The following KLHL30 variants were observed in gnomAD, a reference collection of about 807,000 sequenced individuals.
The protein encoded by KLHL30 is kelch-like protein 30.
In KLHL30, 55 loss-of-function variants were observed where a neutral mutation model predicts 55.0. That is an observed-to-expected ratio of 1.00 (90% confidence interval 0.80 to 1.25). KLHL30 has a LOEUF of 1.25. KLHL30 is among the 50% of genes most tolerant of loss of function. The probability of loss-of-function intolerance (pLI) is 0.00; values close to 1 mark genes in which losing one functional copy is unlikely to be tolerated. For missense variants in KLHL30, 786 were observed against 811.6 expected, an observed-to-expected ratio of 0.97 and a Z score of 0.38; for synonymous variants, 356 against 372.6, an observed-to-expected ratio of 0.96 and a Z score of 0.51.
Position 238,150,806 on chromosome 2 carries a change from G to A in KLHL30, c.1486-8G>A, listed in dbSNP as rs751570505. The A allele has an allele frequency of 2.2e-5, 35 of 1,574,890 alleles. No homozygotes were observed. In the East Asian group the frequency reaches 4.2e-4, roughly 19 times the overall value. ...CCCACCGGACGCTAACCCGCTGACC[G>A]TGCACAGGTGCAGTCACAGCACAGC... On this transcript the variant is annotated splice_polypyrimidine_tract_variant and splice_region_variant and intron_variant, in intron 7 of 7. Transcript: ENST00000409223.
rs1027745913 is a variant in KLHL30 at position 238,147,024 on chromosome 2, G to T, written c.1151-810G>T. Among the ~76,000 whole-genome samples, 28 of 144,764 alleles carry T rather than the reference G, an allele frequency of 1.9e-4. No homozygotes were observed. In the Middle Eastern group the frequency reaches 0.014, roughly 73 times the overall value. 95.0% of individuals were successfully genotyped at this position (144,764 alleles called of 152,430 possible). A position where few individuals can be genotyped will look rare whatever the true frequency, so the allele number is the denominator to read the frequency against. ...CCATCTCAAAAAAAAAAAAAAAAAGGCAGGCATGGTGTCACGTGCCAGCCG... is the reference window on the plus strand; with the variant it reads ...CCATCTCAAAAAAAAAAAAAAAAAGTCAGGCATGGTGTCACGTGCCAGCCG... On this transcript the variant is annotated intron_variant, in intron 5 of 7. Transcript: ENST00000409223. This position sits in a 1 kb window ranked among gnomAD's most constrained non-coding sequence, Gnocchi z 5.8.
rs1692542944 is a variant in KLHL30, at chr2:238,141,616, G to A, written c.774+88G>A. 5 of 1,362,140 alleles carry A rather than the reference G, an allele frequency of 3.7e-6. No homozygotes were observed. The South Asian group carries it at 4.8e-5, about 13-fold the overall frequency. The allele number at this position is 1,362,140 out of a possible 1,614,324, so 84.4% of individuals were successfully genotyped here. ...CCTGAGTAGGGACAGAGTAAGGAGT[G>A]GACATTCCAAGGTGCACTCTGACCT... On this transcript the variant is annotated intron_variant, in intron 2 of 7. Transcript: ENST00000409223.
At chr2:238,149,829 T>C (rs763907053) in intron 7 of KLHL30, among the ~76,000 whole-genome samples, 1 of 152,096 alleles carries the variant, frequency 6.6e-6, no homozygotes, top group Non-Finnish European at 1.5e-5. Flanking sequence ...GAGGTGAGCC[T>C]CTGGGCGGCC....
At chr2:238,139,365 G>C (rs987748872) in intron 1 of KLHL30, among the ~76,000 whole-genome samples, 2 of 152,240 alleles carry the variant, frequency 1.3e-5, no homozygotes, top group African/African-American at 2.4e-5. Flanking sequence ...CGCCTTCACC[G>C]GGGCCAGCGC....
chr2:238,152,257 G>C lies in KLHL30; in HGVS notation c.*1192G>C, dbSNP rs1192271848. On this transcript the variant is annotated 3_prime_UTR_variant, in exon 8 of 8. Coordinates refer to ENST00000409223, the MANE Select transcript of KLHL30 (RefSeq NM_198582.4). Reference sequence around the variant, plus strand: ...TAACACCCCCCGCCCCTGGGGACCAGAGGGGCCTCTGACATCCTTGGGTTC... The same window carrying C: ...TAACACCCCCCGCCCCTGGGGACCACAGGGGCCTCTGACATCCTTGGGTTC... 1 of 978,636 alleles carries C rather than the reference G, an allele frequency of 1.0e-6. No homozygotes were observed. The highest frequency in any genetic ancestry group is 1.1e-4 in the East Asian group (1 of 8,792). 60.6% of individuals were successfully genotyped at this position (978,636 alleles called of 1,614,324 possible).
At chr2:238,141,786 G>A (rs1444940952) in intron 2 of KLHL30, among the ~76,000 whole-genome samples, 2 of 152,242 alleles carry the variant, frequency 1.3e-5, no homozygotes, top group Non-Finnish European at 2.9e-5. Context: ...CTGTCCTGAA[G>A]GAGCCTGCAG....
At position 238,151,019 on chromosome 2, in the gene KLHL30, A is replaced by T; in HGVS notation, c.1691A>T (p.Asp564Val). Residue 564 changes from aspartate (D) to valine (V), a missense_variant, in exon 8 of 8, where the codon GAT becomes GTT. Transcript: ENST00000409223. ...LYHGASTVFL[D>V]VSKWTQPSGP... ...CACGGGGCCTCCACCGTCTTCCTGG[A>T]TGTCTCCAAGTGGACCCAGCCCTCC... 2 of 1,593,104 alleles carry T rather than the reference A, an allele frequency of 1.3e-6. No individual in the cohort carries two copies. Among genetic ancestry groups the T allele is most frequent in the East Asian group, 2.3e-5 (1 of 43,602 alleles).
intron 3 of KLHL30, among the ~76,000 whole-genome samples, chr2:238,144,416 A>AGGCAGGC (rs1692602793): frequency 1.9e-4 from 20 of 107,268 alleles, no homozygotes; most frequent in East Asian, 5.5e-4. Context: ...GGAAGGAAGG[A>AGGCAGGC]AGGAAGGAAG....
At chr2:238,150,739 G>A (rs543408521) in intron 7 of KLHL30, 75 bp from the exon 8 acceptor site, 116 of 1,491,408 alleles carry the variant, frequency 7.8e-5, no homozygotes, top group Admixed American at 1.2e-4. Flanking sequence ...CCACTCCCCC[G>A]ACCCTGCTGA....
intron 3 of KLHL30, 48 bp downstream of exon 3, chr2:238,142,979 A>G (rs2106311492): frequency 6.7e-7 from 1 of 1,484,750 alleles, no homozygotes; most frequent in Non-Finnish European, 8.8e-7. Flanking sequence ...TCTCTGTCCC[A>G]GCGGGAGCCG....
rs1428111130 is a variant in KLHL30, at chr2:238,147,887, T to A, written c.1204T>A (p.Trp402Arg). ...VESYDPYTDSWTPVSPALKYV... is the reference protein window; with the variant it reads ...VESYDPYTDSRTPVSPALKYV... ...GAGCTATGACCCCTACACGGACAGCTGGACGCCCGTCAGCCCGGCCCTCAA... is the reference window on the plus strand; with the variant it reads ...GAGCTATGACCCCTACACGGACAGCAGGACGCCCGTCAGCCCGGCCCTCAA... Residue 402 changes from tryptophan (W) to arginine (R), a missense_variant, in exon 6 of 8, where the codon TGG (tryptophan) becomes AGG (arginine). Coordinates refer to ENST00000409223, the MANE Select transcript of KLHL30 (RefSeq NM_198582.4). This position sits in a 1 kb window ranked among gnomAD's most constrained non-coding sequence, Gnocchi z 5.8. The A allele has an allele frequency of 1.3e-6, 2 of 1,598,558 alleles. No homozygotes were observed. Among genetic ancestry groups the A allele is most frequent in the Admixed American group, 1.7e-5 (1 of 58,522 alleles).
Position 238,141,179 on chromosome 2 carries a change from G to T in KLHL30, c.425G>T (p.Gly142Val). Residue 142 changes from glycine (G) to valine (V), a missense_variant, in exon 2 of 8, where the codon GGG becomes GTG. Transcript: ENST00000409223. ...AACTGCCTGGGCATCTGTGAGTTCG[G>T]GGAGCAGCAAGGGCTGCTGGGCGTG... The part of the protein sequence containing the change: ...AANCLGICEF[G>V]EQQGLLGVAA... The T allele has an allele frequency of 6.2e-7, 1 of 1,611,886 alleles. No homozygotes were observed. The highest frequency in any genetic ancestry group is 8.5e-7 in the Non-Finnish European group (1 of 1,179,622).
At position 238,145,812 on chromosome 2, in the gene KLHL30, G is replaced by A. The variant is rs377574282; in HGVS notation, c.1130G>A (p.Gly377Glu). 1.4e-5 allele frequency: 22 copies of A among 1,606,354 alleles called. No individual in the cohort carries two copies. The Admixed American group carries it at 1.5e-4, about 11-fold the overall frequency. Residue 377 changes from glycine (G) to glutamate (E), a missense_variant, in exon 5 of 8, where the codon GGG becomes GAG. Transcript: ENST00000409223. Reference protein sequence around the residue: ...RTNHASAALNGEIYVIGGTTL... With the variant: ...RTNHASAALNEEIYVIGGTTL... ...AACCACGCCAGCGCGGCCCTCAATG[G>A]GGAGATCTACGTTATCGGCGGTGAG...
In KLHL30 at chr2:238,151,080, C is replaced by T. The variant is rs1272878562; in HGVS notation, c.*15C>T. 1 of 1,573,878 alleles carries T rather than the reference C, an allele frequency of 6.4e-7. No homozygotes were observed. The highest frequency in any genetic ancestry group is 8.6e-7 in the Non-Finnish European group (1 of 1,158,864). ...AGGAGCACTAAACCAGGGCCAGGGT[C>T]CCCGGGGAGGAGTCCCCACAGCGGC... is the stretch of plus-strand genomic sequence containing the variant. On this transcript the variant is annotated 3_prime_UTR_variant, in exon 8 of 8. Transcript: ENST00000409223.
rs1353500538 is a variant in KLHL30, at chr2:238,141,514, C to T, written c.760C>T (p.Gln254Ter). The T allele has an allele frequency of 1.4e-6, 2 of 1,452,468 alleles. No individual in the cohort carries two copies. The highest frequency in any genetic ancestry group is 2.9e-5 in the South Asian group (2 of 70,140). 90.0% of individuals were successfully genotyped at this position (1,452,468 alleles called of 1,614,324 possible). A position where few individuals can be genotyped will look rare whatever the true frequency, so the allele number is the denominator to read the frequency against. Residue 254 changes from glutamine (Q) to a stop codon, truncating the protein, a stop_gained, in exon 2 of 8, where the codon CAG (glutamine) becomes TAG (stop). Coordinates refer to ENST00000409223, the MANE Select transcript of KLHL30 (RefSeq NM_198582.4). LOFTEE classifies it high-confidence loss of function. Reference sequence around the variant, plus strand: ...AGAGGCATGCCGGGCAGCCCTGTCCCAGGGCCATGATGGGGTGAGTGAGCG... The same window carrying T: ...AGAGGCATGCCGGGCAGCCCTGTCCTAGGGCCATGATGGGGTGAGTGAGCG... ...ESEACRAALS[Q>*]GHDGAPLALQ...
At chr2:238,145,570 A>G (rs1248315237) in intron 4 of KLHL30, 107 bp from the exon 5 acceptor site, 1 of 1,316,426 alleles carries the variant, frequency 7.6e-7, no homozygotes, top group Non-Finnish European at 1.1e-6. Context: ...ACCACGTTGG[A>G]GATCATGGCC....
chr2:238,147,604 C>G lies in KLHL30; in HGVS notation c.1151-230C>G, dbSNP rs1692669918. 6.6e-6 allele frequency among the ~76,000 whole-genome samples: 1 copy of G among 152,174 alleles called. No individual in the cohort carries two copies. Among genetic ancestry groups the G allele is most frequent in the Non-Finnish European group, 1.5e-5 (1 of 67,998 alleles). On this transcript the variant is annotated intron_variant, in intron 5 of 7. Transcript: ENST00000409223. This position sits in a 1 kb window ranked among gnomAD's most constrained non-coding sequence, Gnocchi z 5.8. ...CCAAACATCAGCCCCAGCTCGAGCT[C>G]AGGAGTGGGGCATTTCTAGGCCCGA... is the stretch of plus-strand genomic sequence containing the variant.
chr2:238,145,542 T>C (rs1692631546), intron 4 of KLHL30, 135 bp from the exon 5 acceptor site: 4 of 986,034 alleles, frequency 4.1e-6, no homozygotes, highest in Non-Finnish European at 1.5e-6. Flanking sequence ...TGCGCTACCC[T>C]GGTCCCACCT....
intron 3 of KLHL30, among the ~76,000 whole-genome samples, chr2:238,144,459 G>C (rs559055834): frequency 6.1e-4 from 91 of 149,022 alleles, no homozygotes; most frequent in African/African-American, 2.2e-3. Flanking sequence ...AGGCAGGCAG[G>C]CAGGCAGGCA....
Sources: allele counts gnomAD v4.1 joint callset (sites outside exome capture counted in the v4.1 genomes callset), GRCh38; gene constraint gnomAD v4.1.1; non-coding constraint Gnocchi (gnomAD v3.1); transcripts MANE v1.5; gene names NCBI Gene and HGNC (gene_info 2026-07-23, HGNC 2026-07-21).